The following KMT5B variants were observed in gnomAD, a reference collection of about 807,000 sequenced individuals.
The protein encoded by KMT5B is histone-lysine N-methyltransferase KMT5B.
A neutral mutation model predicts 83.2 loss-of-function variants in KMT5B; 10 were observed. The ratio of observed to expected loss-of-function variants is 0.12; its 90% CI spans 0.07 to 0.20. KMT5B has a LOEUF of 0.20. KMT5B is among the 10% of genes least tolerant of loss of function. The pLI, the probability that KMT5B is intolerant of heterozygous loss-of-function variation, is 1.00. For synonymous variants in KMT5B, 349 were observed against 388.8 expected, an observed-to-expected ratio of 0.90 and a Z score of 1.20; for missense variants, 753 against 1,067.2, an observed-to-expected ratio of 0.71 and a Z score of 4.10.
At chr11:68,203,442 C>T (rs187187718) in intron 1 of KMT5B, among the ~76,000 whole-genome samples, 10 of 152,314 alleles carry the variant, frequency 6.6e-5, no homozygotes, top group Admixed American at 1.3e-4. Flanking sequence ...AATTCCAAAT[C>T]GGTCTTTATC....
At position 68,157,995 on chromosome 11, in the gene KMT5B, T is replaced by C; in HGVS notation, c.2351A>G (p.Asp784Gly). The C allele has an allele frequency of 1.2e-6, 2 of 1,614,144 alleles. No homozygotes were observed. Among genetic ancestry groups the C allele is most frequent in the Non-Finnish European group, 1.7e-6 (2 of 1,180,024 alleles). ...TGTATAAGACCCCCTATTTTCCTCATCTCGTTTTAGCTGGATTTTTAATTT... is the reference window on the plus strand; with the variant it reads ...TGTATAAGACCCCCTATTTTCCTCACCTCGTTTTAGCTGGATTTTTAATTT... ...STKLKIQLKR[D>G]EENRGSYTEG... Residue 784 changes from aspartate to glycine, a missense_variant, in exon 11 of 11, where the codon GAT becomes GGT. Asp to Gly is a moderately conservative substitution (Grantham distance 94, BLOSUM62 -1). Around this residue, in one of 9 missense-constraint regions of KMT5B, gnomAD observed 161 missense variants for 195.1 expected, o/e 0.83. Transcript: ENST00000304363.
At chr11:68,199,554 G>A (rs980675104) in intron 1 of KMT5B, among the ~76,000 whole-genome samples, 3 of 152,318 alleles carry the variant, frequency 2.0e-5, no homozygotes, top group Admixed American at 1.3e-4. Flanking sequence ...GCTGAGACTT[G>A]GGCCTTTACT....
At chr11:68,170,895 G>C (rs1855782050) in intron 9 of KMT5B, 120 bp downstream of exon 9, 1 of 1,111,228 alleles carries the variant, frequency 9.0e-7, no homozygotes. Context: ...CAGCCGCTAT[G>C]CTAAAGAACA....
In KMT5B at chr11:68,165,566, G is replaced by A. The variant is rs936954602; in HGVS notation, c.1174+1416C>T. ...GCCCAGGCAGGTCTCAAAACTCCTA[G>A]GCTCAAGTGACCCTCCCACCTCAGC... On this transcript the variant is annotated intron_variant, in intron 10 of 10. Coordinates refer to ENST00000304363, the MANE Select transcript of KMT5B (RefSeq NM_017635.5). The A allele has an allele frequency of 2.2e-4, 63 of 289,202 alleles. 1 individual carries two copies. The highest frequency in any genetic ancestry group is 1.2e-3 in the Middle Eastern group (1 of 820). The allele number at this position is 289,202 out of a possible 1,614,324, so 17.9% of individuals were successfully genotyped here.
Position 68,157,445 on chromosome 11 carries a change from T to G in KMT5B, c.*243A>C. On this transcript the variant is annotated 3_prime_UTR_variant, in exon 11 of 11. Coordinates refer to ENST00000304363, the MANE Select transcript of KMT5B (RefSeq NM_017635.5). ...TACAATTTTGCTTGAGCCTTTATTT[T>G]ACAACAGGGCTTTACCTCTAACTCA... is the stretch of plus-strand genomic sequence containing the variant. 2 of 426,534 alleles carry G rather than the reference T, an allele frequency of 4.7e-6. No homozygotes were observed. The highest frequency in any genetic ancestry group is 7.4e-6 in the Non-Finnish European group (2 of 269,656). 26.4% of individuals were successfully genotyped at this position (426,534 alleles called of 1,614,324 possible). A position where few individuals can be genotyped will look rare whatever the true frequency, so the allele number is the denominator to read the frequency against.
chr11:68,208,781 A>G (rs1860501503), intron 1 of KMT5B, among the ~76,000 whole-genome samples: 1 of 151,866 alleles, frequency 6.6e-6, no homozygotes, highest in Non-Finnish European at 1.5e-5. Flanking sequence ...GGCCCAGGAG[A>G]CTAAGGCTGC....
At chr11:68,188,529 G>C (rs759221592) in intron 2 of KMT5B, among the ~76,000 whole-genome samples, 38 of 151,774 alleles carry the variant, frequency 2.5e-4, no homozygotes, top group Non-Finnish European at 3.4e-4. Context: ...TTGTAGACAC[G>C]GTAGTTTTTG....
rs369781629 is a variant in KMT5B, at chr11:68,158,810, G to T, written c.1536C>A (p.His512Gln). 1.2e-6 allele frequency: 2 copies of T among 1,614,134 alleles called. No individual in the cohort carries two copies. The highest frequency in any genetic ancestry group is 1.7e-6 in the Non-Finnish European group (2 of 1,180,048). Reference sequence around the variant, plus strand: ...GATTCTGTCTGTGTTCTCTCGCCGCGTGTCTAGTCAAGCACCCGCTGGCAA... The same window carrying T: ...GATTCTGTCTGTGTTCTCTCGCCGCTTGTCTAGTCAAGCACCCGCTGGCAA... Reference protein sequence around the residue: ...AAVASGCLTRHAAREHRQNPV... With the variant: ...AAVASGCLTRQAAREHRQNPV... Residue 512 changes from histidine to glutamine, a missense_variant, in exon 11 of 11, where the codon CAC becomes CAA. Physicochemically the swap from His to Gln is conservative, Grantham distance 24 (BLOSUM62 0). Transcript: ENST00000304363.
At chr11:68,210,974 T>C (rs2153094393) in intron 1 of KMT5B, among the ~76,000 whole-genome samples, 1 of 152,286 alleles carries the variant, frequency 6.6e-6, no homozygotes, top group African/African-American at 2.4e-5. Flanking sequence ...ATTTGCTCTG[T>C]AAGCCATGGG....
At position 68,157,558 on chromosome 11, in the gene KMT5B, T is replaced by C. The variant is rs1419315834; in HGVS notation, c.*130A>G. 1.5e-6 allele frequency: 2 copies of C among 1,338,218 alleles called. No homozygotes were observed. Among genetic ancestry groups the C allele is most frequent in the East Asian group, 2.5e-5 (1 of 40,334 alleles). 82.9% of individuals were successfully genotyped at this position (1,338,218 alleles called of 1,614,324 possible). Reference sequence around the variant, plus strand: ...AATTGAGTCAGTATGCTGTACACTTTCTACAATAGTATGCTGATAAGTGAA... The same window carrying C: ...AATTGAGTCAGTATGCTGTACACTTCCTACAATAGTATGCTGATAAGTGAA... On this transcript the variant is annotated 3_prime_UTR_variant, in exon 11 of 11. Transcript: ENST00000304363.
At chr11:68,173,685 T>C (rs1196790211) in intron 6 of KMT5B, 119 bp downstream of exon 6, 3 of 668,038 alleles carry the variant, frequency 4.5e-6, no homozygotes, top group Non-Finnish European at 7.5e-6. Flanking sequence ...CGGCGATGCA[T>C]TGGCTACTTC....
intron 3 of KMT5B, among the ~76,000 whole-genome samples, chr11:68,183,823 C>A (rs1421549893): frequency 6.7e-6 from 1 of 148,298 alleles, no homozygotes. Context: ...CCACACCCAG[C>A]TAATTTTTGT....
At chr11:68,192,865 T>C (rs1425286697) in intron 1 of KMT5B, among the ~76,000 whole-genome samples, 2 of 152,242 alleles carry the variant, frequency 1.3e-5, no homozygotes, top group East Asian at 1.9e-4. Flanking sequence ...TACCTTATCA[T>C]TCCTTCACAA....
At chr11:68,207,820 A>G (rs1860340578) in intron 1 of KMT5B, among the ~76,000 whole-genome samples, 1 of 150,340 alleles carries the variant, frequency 6.7e-6, no homozygotes, top group African/African-American at 2.4e-5. Flanking sequence ...ACCAAAAAAC[A>G]ACACAGAATA....
intron 3 of KMT5B, among the ~76,000 whole-genome samples, chr11:68,185,277 C>G (rs551033690): frequency 6.6e-6 from 1 of 152,286 alleles, no homozygotes; most frequent in South Asian, 2.1e-4. Flanking sequence ...ACGATCTCGG[C>G]TCACTGCAAC....
In KMT5B at chr11:68,157,722, C is replaced by T; in HGVS notation, c.2624G>A (p.Arg875Lys). ...DSIDIDISSR[R>K]REDQSLRLNA is the part of the protein sequence containing the mutation. ...AAGCCTTAAAGACTGATCTTCTCTT[C>T]TCCTTGAAGAAATGTCAATATCTAT... Residue 875 changes from arginine to lysine, a missense_variant, in exon 11 of 11, where the codon AGA becomes AAA. Transcript: ENST00000304363. 1 of 1,600,280 alleles carries T rather than the reference C, an allele frequency of 6.2e-7. No homozygotes were observed. The highest frequency in any genetic ancestry group is 8.5e-7 in the Non-Finnish European group (1 of 1,173,022).
chr11:68,158,578 G>T lies in KMT5B; in HGVS notation c.1768C>A (p.Leu590Met). The change falls in exon 11 of 11, where the codon CTG becomes ATG. Residue 590 changes from leucine (L) to methionine (M), a missense_variant. This residue lies in a region of KMT5B where 397 missense variants were observed against 395.9 expected (regional missense o/e 1.00). Coordinates refer to ENST00000304363, the MANE Select transcript of KMT5B (RefSeq NM_017635.5). ...CCTTTTTGTGCAGTCTCATGAGCCA[G>T]TTCTTCCTCCTGCAGCACAGGAGCT... is the stretch of plus-strand genomic sequence containing the variant. ...QPAPVLQEEELAHETAQKGEA... is the reference protein window; with the variant it reads ...QPAPVLQEEEMAHETAQKGEA... 1 of 1,614,190 alleles carries T rather than the reference G, an allele frequency of 6.2e-7. No individual in the cohort carries two copies. The highest frequency in any genetic ancestry group is 1.7e-5 in the Admixed American group (1 of 60,026).
chr11:68,211,006 G>T (rs1048052926), intron 1 of KMT5B, among the ~76,000 whole-genome samples: 1 of 152,184 alleles, frequency 6.6e-6, no homozygotes, highest in South Asian at 2.1e-4. Context: ...TGTGGACAGG[G>T]AGCTGCTTAG....
rs1207132333 is a variant in KMT5B at position 68,166,731 on chromosome 11, T to C, written c.1174+251A>G. 16 of 1,339,996 alleles carry C rather than the reference T, an allele frequency of 1.2e-5. No homozygotes were observed. In the South Asian group the frequency reaches 2.4e-4, roughly 20 times the overall value. The allele number at this position is 1,339,996 out of a possible 1,614,324, so 83.0% of individuals were successfully genotyped here. The stretch of plus-strand genomic sequence containing the variant: ...AAACATATGATGACCTTGGAACATA[T>C]GATGAAGAACTCATATCCAGTTACC... On this transcript the variant is annotated intron_variant, in intron 10 of 10. Transcript: ENST00000304363.
Sources: gnomAD v4.1 joint callset for allele counts (sites outside exome capture counted in the v4.1 genomes callset) on GRCh38, gnomAD v4.1.1 for gene constraint, gnomAD v4.1.1 regional missense constraint, MANE v1.5 for transcripts, NCBI Gene and HGNC (gene_info 2026-07-23, HGNC 2026-07-21) for gene names.